The following MCM9 variants were observed in gnomAD, a reference collection of about 807,000 sequenced individuals.
The protein encoded by MCM9 is minichromosome maintenance 9 homologous recombination repair factor.
MCM9 carries 55 observed loss-of-function variants against 72.8 expected under a neutral mutation model. The ratio of observed to expected loss-of-function variants is 0.76; its 90% CI spans 0.61 to 0.95. MCM9 has a LOEUF of 0.95. Ranked by LOEUF, MCM9 falls within the 40% of genes least tolerant of loss-of-function variation. The pLI is 0.00. For missense variants in MCM9, 1,279 were observed against 1,377.0 expected (o/e 0.93, Z 1.13); for synonymous variants, 480 against 503.4 (o/e 0.95, Z 0.62).
At chr6:118,910,276 T>A (rs1780449620) in intron 8 of MCM9, among the ~76,000 whole-genome samples, 1 of 152,122 alleles carries the variant, frequency 6.6e-6, no homozygotes, top group South Asian at 2.1e-4. Context: ...GAATTGACTT[T>A]TATGACTCTA....
At chr6:118,891,183 C>T (rs1238626246) in intron 8 of MCM9, among the ~76,000 whole-genome samples, 1 of 152,058 alleles carries the variant, frequency 6.6e-6, no homozygotes, top group Non-Finnish European at 1.5e-5. Context: ...AGCTATATGC[C>T]CAGTGGTATA....
chr6:118,933,658 TCA>T (rs1227084859), intron 1 of MCM9, among the ~76,000 whole-genome samples: 2 of 152,208 alleles, frequency 1.3e-5, no homozygotes, highest in African/African-American at 4.8e-5. Flanking sequence ...GCTATAAAGT[TCA>T]CAGTTTATCA....
At chr6:118,903,929 C>T (rs1279557716) in intron 8 of MCM9, among the ~76,000 whole-genome samples, 1 of 152,116 alleles carries the variant, frequency 6.6e-6, no homozygotes, top group Non-Finnish European at 1.5e-5. Context: ...CTGTGTGATT[C>T]ATATCTCTAG....
chr6:118,913,505 C>T, intron 6 of MCM9, 85 bp from the exon 7 acceptor site: 2 of 1,542,904 alleles, frequency 1.3e-6, no homozygotes, highest in Middle Eastern at 1.7e-4. Context: ...ATCTGACCAT[C>T]CTCATTTAAA....
intron 4 of MCM9, among the ~76,000 whole-genome samples, 197 bp from the exon 5 acceptor site, chr6:118,922,283 G>A (rs1466424476): frequency 6.6e-6 from 1 of 152,154 alleles, no homozygotes; most frequent in African/African-American, 2.4e-5. Flanking sequence ...ATACACATAT[G>A]GAAAATATCT....
At chr6:118,839,921 C>A (rs1483463194) in intron 9 of MCM9, among the ~76,000 whole-genome samples, 1 of 152,130 alleles carries the variant, frequency 6.6e-6, no homozygotes, top group Non-Finnish European at 1.5e-5. Context: ...CTTGAGGAGG[C>A]CTTCTGTCCT....
intron 9 of MCM9, among the ~76,000 whole-genome samples, chr6:118,842,558 C>T (rs143379983): frequency 1.3e-5 from 2 of 152,286 alleles, no homozygotes; most frequent in African/African-American, 2.4e-5. Context: ...TTCACTCTGT[C>T]GCCCAGGCTG....
At chr6:118,820,734 C>T (rs1223898025) in intron 13 of MCM9, among the ~76,000 whole-genome samples, 1 of 152,044 alleles carries the variant, frequency 6.6e-6, no homozygotes, top group African/African-American at 2.4e-5. Context: ...TTAAAGTCTC[C>T]CACTATTATT....
intron 8 of MCM9, chr6:118,908,218 G>A (rs909414237): frequency 1.3e-5 from 2 of 152,098 alleles, no homozygotes; most frequent in Non-Finnish European, 2.9e-5. Context: ...TTTGGTAAGA[G>A]AAGAACAAAT....
chr6:118,931,767 A>C (rs1233218579), intron 2 of MCM9, 29 bp from the exon 3 acceptor site: 2 of 1,478,704 alleles, frequency 1.4e-6, no homozygotes, highest in Non-Finnish European at 1.8e-6. Flanking sequence ...ATCATATTAT[A>C]TATTTGATAC....
chr6:118,861,854 G>A (rs887130576), intron 8 of MCM9, among the ~76,000 whole-genome samples: 1 of 152,222 alleles, frequency 6.6e-6, no homozygotes, highest in African/African-American at 2.4e-5. Flanking sequence ...GGCTTCACCA[G>A]TGACCCACCC....
intron 9 of MCM9, among the ~76,000 whole-genome samples, chr6:118,838,824 G>A (rs753300880): frequency 6.6e-5 from 10 of 152,166 alleles, no homozygotes; most frequent in Admixed American, 1.3e-4. Context: ...GTTTCCCTTT[G>A]TGGGTAACCC....
chr6:118,890,972 A>G (rs952813682), intron 8 of MCM9, among the ~76,000 whole-genome samples: 2 of 152,224 alleles, frequency 1.3e-5, no homozygotes, highest in African/African-American at 4.8e-5. Flanking sequence ...TTTGCAGTAG[A>G]CACGGGCTGA....
At chr6:118,903,081 T>G (rs768996) in intron 8 of MCM9, among the ~76,000 whole-genome samples, 8,782 of 152,252 alleles carry the variant, frequency 0.058, 364 homozygotes, top group East Asian at 0.19. Context: ...TGTAAAATGC[T>G]TTTTAAAAGA....
chr6:118,840,831 G>C (rs1476003358), intron 9 of MCM9, among the ~76,000 whole-genome samples: 2 of 148,370 alleles, frequency 1.3e-5, no homozygotes, highest in Admixed American at 1.4e-4. Flanking sequence ...TCCACCTCCT[G>C]GGCTCAAGCA....
At chr6:118,839,664 CCTT>C (rs1038211087) in intron 9 of MCM9, among the ~76,000 whole-genome samples, 7 of 152,176 alleles carry the variant, frequency 4.6e-5, no homozygotes, top group African/African-American at 1.7e-4. Context: ...TGTTATCTCT[CCTT>C]CTAACAGGCC....
chr6:118,816,509 C>T (rs1773417948), intron 13 of MCM9, among the ~76,000 whole-genome samples: 1 of 152,042 alleles, frequency 6.6e-6, no homozygotes, highest in Non-Finnish European at 1.5e-5. Flanking sequence ...CTAATTTAAC[C>T]TAAAATTGTA....
Position 118,931,696 on chromosome 6 carries a change from CAA to C in MCM9, c.26_27del (p.Val9GlyfsTer5). 5 of 1,613,204 alleles carry C rather than the reference CAA, an allele frequency of 3.1e-6. No homozygotes were observed. The highest frequency in any genetic ancestry group is 4.2e-6 in the Non-Finnish European group (5 of 1,179,586). On this transcript the variant is annotated frameshift_variant, in exon 3 of 14. Coordinates refer to ENST00000619706, the MANE Select transcript of MCM9 (RefSeq NM_017696.3). LOFTEE classifies it high-confidence loss of function. The part of the protein sequence containing the change: MNSDQVTL[V>X]GQVFESYVSE... ...GAAACATATGACTCAAACACTTGAC[CAA>C]CCAGTGTAACTTGATCGCTATTCAT... is the stretch of plus-strand genomic sequence containing the variant.
intron 8 of MCM9, among the ~76,000 whole-genome samples, chr6:118,868,847 A>T (rs1254878238): frequency 6.6e-6 from 1 of 152,250 alleles, no homozygotes; most frequent in Non-Finnish European, 1.5e-5. Context: ...TCATTGTGGA[A>T]GACAGTGTGG....
Sources: gnomAD v4.1 joint callset for allele counts (sites outside exome capture counted in the v4.1 genomes callset) on GRCh38, gnomAD v4.1.1 for gene constraint, MANE v1.5 for transcripts, NCBI Gene and HGNC (gene_info 2026-07-23, HGNC 2026-07-21) for gene names.